VAV3: variants seen among roughly 807,000 people sequenced by gnomAD.
VAV3 encodes the protein guanine nucleotide exchange factor VAV3.
A neutral mutation model predicts 131.2 loss-of-function variants in VAV3; 94 were observed. That is an observed-to-expected ratio of 0.72 (90% CI 0.61 to 0.85). VAV3 has a LOEUF of 0.85. Ranked by LOEUF, VAV3 falls within the 40% of genes least tolerant of loss-of-function variation. The pLI is 0.00. For missense variants in VAV3, 939 were observed against 1,002.7 expected, an observed-to-expected ratio of 0.94 and a Z score of 0.86; for synonymous variants, 349 against 342.0, an observed-to-expected ratio of 1.02 and a Z score of -0.22.
chr1:107,597,846 A>C (rs184096789), intron 24 of VAV3, among the ~76,000 whole-genome samples: 24 of 152,314 alleles, frequency 1.6e-4, no homozygotes, highest in African/African-American at 5.3e-4. Flanking sequence ...GAAAAACTGT[A>C]ACAGCTACCC....
chr1:107,625,855 G>C (rs1027828176), intron 20 of VAV3, among the ~76,000 whole-genome samples: 3 of 152,088 alleles, frequency 2.0e-5, no homozygotes, highest in Non-Finnish European at 4.4e-5. Flanking sequence ...CACGTCAGAT[G>C]GAATTCCAAA....
At chr1:107,735,213 T>A (rs542814489) in intron 15 of VAV3, among the ~76,000 whole-genome samples, 5 of 152,292 alleles carry the variant, frequency 3.3e-5, no homozygotes, top group African/African-American at 1.2e-4. Context: ...AAGCAGTGTG[T>A]AGAGGGAAAT....
At chr1:107,766,761 G>C (rs1016574484) in intron 7 of VAV3, among the ~76,000 whole-genome samples, 1 of 151,890 alleles carries the variant, frequency 6.6e-6, no homozygotes, top group African/African-American at 2.4e-5. Context: ...GAGAGGACAG[G>C]GTAGAAGAGG....
At chr1:107,612,652 G>A (rs534024208) in intron 21 of VAV3, among the ~76,000 whole-genome samples, 1 of 152,052 alleles carries the variant, frequency 6.6e-6, no homozygotes, top group South Asian at 2.1e-4. Flanking sequence ...ATTTTATATT[G>A]TATCTTGGAC....
intron 15 of VAV3, among the ~76,000 whole-genome samples, chr1:107,710,414 T>G (rs1216140682): frequency 6.6e-6 from 1 of 152,178 alleles, no homozygotes; most frequent in African/African-American, 2.4e-5. Flanking sequence ...CAAAAATACA[T>G]CGATTTATAA....
At chr1:107,644,709 A>T (rs1655597219) in intron 19 of VAV3, among the ~76,000 whole-genome samples, 2 of 152,056 alleles carry the variant, frequency 1.3e-5, no homozygotes, top group Admixed American at 1.3e-4. Flanking sequence ...TGTTTAGGAA[A>T]AAATTAACTT....
At chr1:107,808,426 C>T (rs573726659) in intron 2 of VAV3, among the ~76,000 whole-genome samples, 9 of 152,232 alleles carry the variant, frequency 5.9e-5, no homozygotes, top group South Asian at 2.1e-4. Flanking sequence ...AAACTCCAAA[C>T]ATCATTTTCT....
intron 8 of VAV3, among the ~76,000 whole-genome samples, chr1:107,766,125 G>A (rs758981135): frequency 6.6e-6 from 1 of 152,148 alleles, no homozygotes; most frequent in Non-Finnish European, 1.5e-5. Context: ...GAGGCTCAGA[G>A]AGTTAAAATG....
chr1:107,698,892 T>C (rs573666722), intron 17 of VAV3, among the ~76,000 whole-genome samples: 4 of 152,122 alleles, frequency 2.6e-5, no homozygotes, highest in Non-Finnish European at 5.9e-5. Context: ...GAGAACTTAT[T>C]CACTATCATG....
chr1:107,584,496 A>G (rs918332355), intron 25 of VAV3, among the ~76,000 whole-genome samples: 2 of 152,148 alleles, frequency 1.3e-5, no homozygotes, highest in Admixed American at 1.3e-4. Flanking sequence ...GAAAATTTTC[A>G]CAACCTACTC....
In VAV3 at chr1:107,958,596, A is replaced by ATT. The variant is rs1674927356; in HGVS notation, c.204+6069_204+6070insAA. On this transcript the variant is annotated intron_variant, in intron 1 of 26. Transcript: ENST00000370056. ...TCAGAATAGTCACAATCTGAACAAA[A>ATT]AGAAGATTTTAAAACACTTTAAATT... Among the ~76,000 whole-genome samples, 3 of 151,626 alleles carry ATT rather than the reference A, an allele frequency of 2.0e-5. No homozygotes were observed. In the South Asian group the frequency reaches 6.3e-4, roughly 32 times the overall value.
At chr1:107,662,675 C>T (rs1042100370) in intron 19 of VAV3, among the ~76,000 whole-genome samples, 5 of 152,180 alleles carry the variant, frequency 3.3e-5, no homozygotes, top group African/African-American at 2.4e-5. Context: ...TTAGCAAGAA[C>T]ATTTACTAAC....
intron 2 of VAV3, among the ~76,000 whole-genome samples, chr1:107,831,150 T>G (rs770025656): frequency 6.6e-6 from 1 of 152,100 alleles, no homozygotes; most frequent in Non-Finnish European, 1.5e-5. Context: ...TAGCAAAAAT[T>G]TTCGGGTTTT....
intron 10 of VAV3, among the ~76,000 whole-genome samples, chr1:107,757,981 G>A (rs1664208411): frequency 6.6e-6 from 1 of 152,064 alleles, no homozygotes; most frequent in Non-Finnish European, 1.5e-5. Context: ...ACGAGTCCCG[G>A]ACTCATCCGT....
At chr1:107,878,961 CA>C (rs1343585968) in intron 1 of VAV3, among the ~76,000 whole-genome samples, 1 of 151,960 alleles carries the variant, frequency 6.6e-6, no homozygotes, top group African/African-American at 2.4e-5. Context: ...ATTCTTTTGT[CA>C]AAAAACAGAA....
chr1:107,686,913 C>T (rs1018773274), intron 18 of VAV3, among the ~76,000 whole-genome samples: 5 of 151,966 alleles, frequency 3.3e-5, no homozygotes, highest in Non-Finnish European at 7.4e-5. Context: ...AAACCATCTT[C>T]CTTGGAAAAA....
intron 17 of VAV3, among the ~76,000 whole-genome samples, chr1:107,702,960 T>G (rs1486033813): frequency 1.3e-5 from 2 of 152,290 alleles, no homozygotes; most frequent in Admixed American, 6.5e-5. Flanking sequence ...AATATTTAAG[T>G]AAATTCCCCA....
chr1:107,717,766 T>C (rs1023895715), intron 15 of VAV3, among the ~76,000 whole-genome samples: 1 of 152,108 alleles, frequency 6.6e-6, no homozygotes, highest in Non-Finnish European at 1.5e-5. Flanking sequence ...GCTTAGTGCA[T>C]TGCTGAGTTC....
chr1:107,934,378 C>T (rs186331982), intron 1 of VAV3, among the ~76,000 whole-genome samples: 1 of 152,254 alleles, frequency 6.6e-6, no homozygotes, highest in Admixed American at 6.5e-5. Flanking sequence ...TAGAACAGAG[C>T]AGAAGATATA....
Sources: gnomAD v4.1 joint callset for allele counts (sites outside exome capture counted in the v4.1 genomes callset) on GRCh38, gnomAD v4.1.1 for gene constraint, MANE v1.5 for transcripts, NCBI Gene and HGNC (gene_info 2026-07-23, HGNC 2026-07-21) for gene names.